The following FMN2 variants were observed in gnomAD, a reference collection of about 807,000 sequenced individuals.
The protein encoded by FMN2 is formin-2.
In FMN2, 51 loss-of-function variants were observed where a neutral mutation model predicts 142.3. That is an observed-to-expected ratio of 0.36 (90% CI 0.29 to 0.45). The LOEUF (loss-of-function observed/expected upper bound fraction) is 0.45, where lower values mean the gene tolerates loss of function less well. Among genes scored for constraint, FMN2 ranks in the 20% least tolerant of loss-of-function variants. The probability of loss-of-function intolerance (pLI) is 1.00; values close to 1 mark genes in which losing one functional copy is unlikely to be tolerated. For synonymous variants in FMN2, 882 were observed against 869.8 expected, an observed-to-expected ratio of 1.01 and a Z score of -0.25; for missense variants, 1,936 against 2,122.8, an observed-to-expected ratio of 0.91 and a Z score of 1.73.
intron 16 of FMN2, among the ~76,000 whole-genome samples, chr1:240,450,748 C>T (rs1017436355): frequency 6.6e-6 from 1 of 152,316 alleles, no homozygotes; most frequent in African/African-American, 2.4e-5. Context: ...CACATTTCTT[C>T]TTTGAATGAT....
At chr1:240,209,250 T>C (rs576793366) in intron 5 of FMN2, among the ~76,000 whole-genome samples, 403 of 13,496 alleles carry the variant, frequency 0.03, 3 homozygotes, top group South Asian at 0.24. Context: ...CTTAAATCCT[T>C]TTTTTTTTTT....
intron 7 of FMN2, among the ~76,000 whole-genome samples, chr1:240,273,092 AGAG>A (rs1669077959): frequency 6.6e-6 from 1 of 152,192 alleles, no homozygotes. Context: ...GTGGAACTTA[AGAG>A]GAGGGTTCTC....
chr1:240,194,114 T>C (rs1409793941), intron 4 of FMN2, among the ~76,000 whole-genome samples: 1 of 80,652 alleles, frequency 1.2e-5, no homozygotes, highest in African/African-American at 6.7e-5. Flanking sequence ...CTTATACATG[T>C]TTCTTCTGCA....
intron 14 of FMN2, among the ~76,000 whole-genome samples, chr1:240,387,284 G>T (rs962095990): frequency 9.9e-5 from 15 of 152,014 alleles, no homozygotes; most frequent in African/African-American, 3.6e-4. Context: ...ATTTTCCTTG[G>T]CAGTGGATCT....
intron 2 of FMN2, among the ~76,000 whole-genome samples, chr1:240,164,650 C>T (rs77183120): frequency 0.014 from 2,113 of 152,276 alleles, 48 homozygotes; most frequent in African/African-American, 0.044. Flanking sequence ...AAGATCATTA[C>T]ACTATCTTCT....
intron 4 of FMN2, among the ~76,000 whole-genome samples, chr1:240,191,381 C>G (rs1289853725): frequency 1.3e-5 from 2 of 152,188 alleles, no homozygotes; most frequent in Non-Finnish European, 2.9e-5. Context: ...ATACAGCTGG[C>G]ACTCAAGTGA....
chr1:240,375,142 A>G (rs140258221), intron 14 of FMN2, among the ~76,000 whole-genome samples: 2 of 152,174 alleles, frequency 1.3e-5, no homozygotes, highest in South Asian at 4.1e-4. Flanking sequence ...ATTGTTTGCC[A>G]TCTTATGTGG....
intron 15 of FMN2, among the ~76,000 whole-genome samples, chr1:240,426,852 C>T (rs12095590): frequency 0.048 from 7,287 of 152,108 alleles, 550 homozygotes; most frequent in African/African-American, 0.17. Context: ...TCTCCTCCTG[C>T]CTCAGCCTCC....
At chr1:240,211,975 T>A (rs1027302660) in intron 6 of FMN2, among the ~76,000 whole-genome samples, 1 of 152,160 alleles carries the variant, frequency 6.6e-6, no homozygotes, top group Non-Finnish European at 1.5e-5. Flanking sequence ...ATGGTGCCCG[T>A]CTTTACCCTG....
chr1:240,229,629 G>C (rs1378451928), intron 6 of FMN2, among the ~76,000 whole-genome samples: 1 of 152,070 alleles, frequency 6.6e-6, no homozygotes, highest in Non-Finnish European at 1.5e-5. Context: ...TGAAATGTCT[G>C]TGCTATCCTT....
At chr1:240,368,552 G>A (rs1672757185) in intron 14 of FMN2, among the ~76,000 whole-genome samples, 1 of 145,394 alleles carries the variant, frequency 6.9e-6, no homozygotes, top group East Asian at 2.1e-4. Context: ...AACTTGTTAA[G>A]CCCTCTTATT....
intron 6 of FMN2, among the ~76,000 whole-genome samples, chr1:240,235,303 G>T (rs891196976): frequency 1.3e-5 from 2 of 152,162 alleles, no homozygotes; most frequent in Non-Finnish European, 2.9e-5. Context: ...TCTAAGCCAA[G>T]ATATCAGTCT....
chr1:240,250,405 T>A lies in FMN2; in HGVS notation c.4066-7540T>A, dbSNP rs567533307. ...TATATCACATTTATTGATTTGCATA[T>A]GTACAACCATTTTTGCATCCCTGGG... On this transcript the variant is annotated intron_variant, in intron 6 of 17. Transcript: ENST00000319653. Among the ~76,000 whole-genome samples the A allele has an allele frequency of 1.9e-4, 29 of 152,346 alleles. 1 individual carries two copies. In the South Asian group the frequency reaches 6.0e-3, roughly 32 times the overall value.
intron 7 of FMN2, among the ~76,000 whole-genome samples, chr1:240,274,420 G>C (rs1328767719): frequency 6.6e-6 from 1 of 152,138 alleles, no homozygotes; most frequent in Non-Finnish European, 1.5e-5. Flanking sequence ...TCAGCACGAT[G>C]TGAGAGTGCC....
At chr1:240,409,725 G>T (rs1674334340) in intron 15 of FMN2, among the ~76,000 whole-genome samples, 1 of 152,028 alleles carries the variant, frequency 6.6e-6, no homozygotes, top group Non-Finnish European at 1.5e-5. Context: ...TATTTTAATA[G>T]ACTAAATAAT....
chr1:240,267,829 T>G (rs936059185), intron 7 of FMN2, among the ~76,000 whole-genome samples: 2 of 152,008 alleles, frequency 1.3e-5, no homozygotes, highest in Admixed American at 1.3e-4. Context: ...TAATAAAGAC[T>G]AATTTTTAAA....
At chr1:240,170,432 A>G in intron 2 of FMN2, 1 of 1,292,314 alleles carries the variant, frequency 7.7e-7, no homozygotes, top group South Asian at 1.2e-5. Context: ...GCGGGTGATA[A>G]CTGTCATCCC....
chr1:240,120,067 T>C lies in FMN2; in HGVS notation c.1616-3112T>C, dbSNP rs1004749201. Among the ~76,000 whole-genome samples, 17 of 152,220 alleles carry C rather than the reference T, an allele frequency of 1.1e-4. 1 individual carries two copies. The highest frequency in any genetic ancestry group is 1.3e-4 in the Admixed American group (2 of 15,276). ...AAAATCCTGGGAGACCAAAGAATGT[T>C]CTCTAATGACCAGAAGAAATGGAGA... On this transcript the variant is annotated intron_variant, in intron 1 of 17. Transcript: ENST00000319653.
intron 14 of FMN2, among the ~76,000 whole-genome samples, chr1:240,361,168 TATATATATATATATATAA>T (rs1558452640): frequency 5.8e-4 from 43 of 74,578 alleles, no homozygotes; most frequent in African/African-American, 2.7e-3. Flanking sequence ...TATATATATA[TATATATATATATATATAA>T]AAGAGTTTAA....
Sources: gnomAD v4.1 joint callset for allele counts (sites outside exome capture counted in the v4.1 genomes callset) on GRCh38, gnomAD v4.1.1 for gene constraint, MANE v1.5 for transcripts, NCBI Gene and HGNC (gene_info 2026-07-23, HGNC 2026-07-21) for gene names.